Variants in FEM1B observed in about 807,000 individuals in gnomAD.
The protein encoded by FEM1B is protein fem-1 homolog B.
Under a neutral mutation model 38.6 loss-of-function variants are expected in FEM1B, and 10 were observed. The ratio of observed to expected loss-of-function variants is 0.26; its 90% CI spans 0.16 to 0.44. The LOEUF (loss-of-function observed/expected upper bound fraction) is 0.44, where lower values mean the gene tolerates loss of function less well. FEM1B is among the 20% of genes least tolerant of loss of function. The pLI is 1.00. For missense variants in FEM1B, 471 were observed against 786.7 expected (o/e 0.60, Z 4.80); for synonymous variants, 288 against 288.0 (o/e 1.00, Z 0.00).
In FEM1B at chr15:68,291,737, A is replaced by G. The variant is rs1302282065; in HGVS notation, c.*495A>G. The G allele has an allele frequency of 1.3e-5, 2 of 153,270 alleles. No homozygotes were observed. The highest frequency in any genetic ancestry group is 4.8e-5 in the African/African-American group (2 of 41,500). 9.5% of individuals were successfully genotyped at this position (153,270 alleles called of 1,614,324 possible). On this transcript the variant is annotated 3_prime_UTR_variant, in exon 2 of 2. Transcript: ENST00000306917. The surrounding 1 kb of genome is among the most constrained non-coding windows in gnomAD (Gnocchi z 6.9). ...TGCTGTAGATAGTTTACACTCTTCC[A>G]TTATTTATACGGAGTGATGCAGCAC...
intron 1 of FEM1B, among the ~76,000 whole-genome samples, chr15:68,285,790 C>A (rs1356974095): frequency 6.6e-6 from 1 of 152,002 alleles, no homozygotes; most frequent in Non-Finnish European, 1.5e-5. Flanking sequence ...TCTTAGCCCC[C>A]CCGCAGTGCT....
rs1555443294 is a variant in FEM1B, at chr15:68,281,806, C to CGG, written c.248+3142_248+3143dup. On this transcript the variant is annotated intron_variant, in intron 1 of 1. Transcript: ENST00000306917. The surrounding 1 kb of genome is among the most constrained non-coding windows in gnomAD (Gnocchi z 5.1). ...CTATTTTTTGTATTTTTAGTAGAGA[C>CGG]GGTTTCACCGTGTTAGCCAGGATGG... Among the ~76,000 whole-genome samples the CGG allele has an allele frequency of 1.3e-5, 2 of 152,028 alleles. No homozygotes were observed. Among genetic ancestry groups the CGG allele is most frequent in the East Asian group, 3.9e-4 (2 of 5,178 alleles).
Position 68,288,856 on chromosome 15 carries a change from T to C in FEM1B, c.249-751T>C, listed in dbSNP as rs1053640035. ...GAAAAATGCACTAATTATAAATATA[T>C]AAAAATTTCACAAAGTGAACATATT... On this transcript the variant is annotated intron_variant, in intron 1 of 1. Coordinates refer to ENST00000306917, the MANE Select transcript of FEM1B (RefSeq NM_015322.5). This position sits in a 1 kb window ranked among gnomAD's most constrained non-coding sequence, Gnocchi z 4.6. Among the ~76,000 whole-genome samples, 1 of 152,184 alleles carries C rather than the reference T, an allele frequency of 6.6e-6. No individual in the cohort carries two copies. Among genetic ancestry groups the C allele is most frequent in the African/African-American group, 2.4e-5 (1 of 41,452 alleles).
Position 68,290,976 on chromosome 15 carries a change from G to A in FEM1B, c.1618G>A (p.Val540Ile), listed in dbSNP as rs780106358. ...GGGAAACAGTGCCCTTCATATTATC[G>A]TTCAGTACAACAGGCCCATCAGTGA... ...NEGNSALHII[V>I]QYNRPISDFL... The change falls in exon 2 of 2, where the codon GTT becomes ATT. Residue 540 changes from valine to isoleucine, a missense_variant. Around this residue, in one of 3 missense-constraint regions of FEM1B, gnomAD observed 380 missense variants for 599.6 expected, o/e 0.63. Coordinates refer to ENST00000306917, the MANE Select transcript of FEM1B (RefSeq NM_015322.5). This position sits in a 1 kb window ranked among gnomAD's most constrained non-coding sequence, Gnocchi z 9.7. The A allele has an allele frequency of 2.5e-6, 4 of 1,614,112 alleles. No individual in the cohort carries two copies. The highest frequency in any genetic ancestry group is 2.2e-5 in the East Asian group (1 of 44,890).
rs1331678074 is a variant in FEM1B, at chr15:68,293,132, T to A, written c.*1890T>A. 6.6e-6 allele frequency: 1 copy of A among 152,174 alleles called. No homozygotes were observed. The highest frequency in any genetic ancestry group is 2.4e-5 in the African/African-American group (1 of 41,450). The allele number at this position is 152,174 out of a possible 1,614,324, so 9.4% of individuals were successfully genotyped here. On this transcript the variant is annotated 3_prime_UTR_variant, in exon 2 of 2. Coordinates refer to ENST00000306917, the MANE Select transcript of FEM1B (RefSeq NM_015322.5). This position sits in a 1 kb window ranked among gnomAD's most constrained non-coding sequence, Gnocchi z 5.8. ...ATCAAGGAAATACTGTACCTTGCTC[T>A]TAGCAACTCTCAGTGGCCTGAAAGA... is the stretch of plus-strand genomic sequence containing the variant.
Position 68,278,551 on chromosome 15 carries a change from A to C in FEM1B, c.134A>C (p.Gln45Pro). 1 of 1,614,124 alleles carries C rather than the reference A, an allele frequency of 6.2e-7. No individual in the cohort carries two copies. The highest frequency in any genetic ancestry group is 8.5e-7 in the Non-Finnish European group (1 of 1,180,032). The change falls in exon 1 of 2, where the codon CAG becomes CCG. Residue 45 changes from glutamine to proline, a missense_variant. This residue lies in a region of FEM1B where 91 missense variants were observed against 169.6 expected (regional missense o/e 0.54). Coordinates refer to ENST00000306917, the MANE Select transcript of FEM1B (RefSeq NM_015322.5). The surrounding 1 kb of genome is among the most constrained non-coding windows in gnomAD (Gnocchi z 5.7). ...GGCTATGTCAGCCAGCAGGGAGGGC[A>C]GCGCTCCACGCCCCTCATCATCGCA... The part of the protein sequence containing the change: ...LLGYVSQQGG[Q>P]RSTPLIIAAR...
Position 68,289,457 on chromosome 15 carries a change from CT to C in FEM1B, c.249-148del, listed in dbSNP as rs1436727451. On this transcript the variant is annotated intron_variant, in intron 1 of 1. Transcript: ENST00000306917. This position sits in a 1 kb window ranked among gnomAD's most constrained non-coding sequence, Gnocchi z 6.9. ...TACAAGTACTATGCAAAGTGCTTTC[CT>C]TAAATTACCTGTTTTTATTTTCATG... The C allele has an allele frequency of 1.9e-5, 12 of 627,728 alleles. No homozygotes were observed. The highest frequency in any genetic ancestry group is 4.3e-4 in the Middle Eastern group (1 of 2,336). The allele number at this position is 627,728 out of a possible 1,614,324, so 38.9% of individuals were successfully genotyped here.
At chr15:68,279,132 C>T (rs1056013766) in intron 1 of FEM1B, among the ~76,000 whole-genome samples, 6 of 152,180 alleles carry the variant, frequency 3.9e-5, no homozygotes, top group African/African-American at 7.2e-5. Context: ...CTTCAGTGGG[C>T]TGCTGGGCTT....
At chr15:68,279,723 GTTGA>G (rs1282109974) in intron 1 of FEM1B, among the ~76,000 whole-genome samples, 2 of 152,112 alleles carry the variant, frequency 1.3e-5, no homozygotes, top group Admixed American at 6.5e-5. Context: ...TTCTGTTTCG[GTTGA>G]TTCTTTTTTA....
chr15:68,290,669 G>A lies in FEM1B; in HGVS notation c.1311G>A (p.Met437Ile), dbSNP rs755443852. The change falls in exon 2 of 2, where the codon ATG (methionine) becomes ATA (isoleucine). Residue 437 changes from methionine to isoleucine, a missense_variant. Coordinates refer to ENST00000306917, the MANE Select transcript of FEM1B (RefSeq NM_015322.5). This position sits in a 1 kb window ranked among gnomAD's most constrained non-coding sequence, Gnocchi z 9.7. ...NISDADVHNAMDNYECNLYTF... is the reference protein window; with the variant it reads ...NISDADVHNAIDNYECNLYTF... ...CAGATGCTGATGTCCACAATGCTAT[G>A]GACAATTATGAATGTAATCTCTATA... 2 of 1,613,846 alleles carry A rather than the reference G, an allele frequency of 1.2e-6. No homozygotes were observed. The highest frequency in any genetic ancestry group is 1.7e-5 in the Admixed American group (1 of 60,018).
chr15:68,289,439 A>G lies in FEM1B; in HGVS notation c.249-168A>G. The G allele has an allele frequency of 1.6e-6, 1 of 608,110 alleles. No individual in the cohort carries two copies. The highest frequency in any genetic ancestry group is 2.9e-6 in the Non-Finnish European group (1 of 343,548). 37.7% of individuals were successfully genotyped at this position (608,110 alleles called of 1,614,324 possible). On this transcript the variant is annotated intron_variant, in intron 1 of 1. Coordinates refer to ENST00000306917, the MANE Select transcript of FEM1B (RefSeq NM_015322.5). This position sits in a 1 kb window ranked among gnomAD's most constrained non-coding sequence, Gnocchi z 6.9. ...ATTGAGCTTTATATTAGGTACAAGT[A>G]CTATGCAAAGTGCTTTCCTTAAATT... is the stretch of plus-strand genomic sequence containing the variant.
intron 1 of FEM1B, among the ~76,000 whole-genome samples, chr15:68,287,830 C>CTTT (rs71455589): frequency 8.0e-4 from 92 of 114,596 alleles, no homozygotes; most frequent in Non-Finnish European, 1.2e-3. Flanking sequence ...GCTAACGTCT[C>CTTT]TTTTTTTTTT....
chr15:68,285,699 T>C (rs1892776928), intron 1 of FEM1B, among the ~76,000 whole-genome samples: 2 of 152,136 alleles, frequency 1.3e-5, no homozygotes, highest in African/African-American at 4.8e-5. Context: ...GTCTTTTTTT[T>C]TTTTTCTTAA....
intron 1 of FEM1B, among the ~76,000 whole-genome samples, chr15:68,286,776 A>G (rs1892792622): frequency 6.8e-6 from 1 of 146,652 alleles, no homozygotes; most frequent in Non-Finnish European, 1.5e-5. Flanking sequence ...TGAACTTTAC[A>G]TAATCATGAC....
rs992599267 is a variant in FEM1B, at chr15:68,295,387, G to C, written c.*4145G>C. On this transcript the variant is annotated 3_prime_UTR_variant, in exon 2 of 2. Coordinates refer to ENST00000306917, the MANE Select transcript of FEM1B (RefSeq NM_015322.5). ...TCAGGTGTTGTAAAATTTGTGCATG[G>C]CTTTTTGTTGTTGTTGCTTAGTAAC... is the stretch of plus-strand genomic sequence containing the variant. 3 of 152,150 alleles carry C rather than the reference G, an allele frequency of 2.0e-5. No homozygotes were observed. The highest frequency in any genetic ancestry group is 4.8e-5 in the African/African-American group (2 of 41,420). The allele number at this position is 152,150 out of a possible 1,614,324, so 9.4% of individuals were successfully genotyped here.
rs1892767470 is a variant in FEM1B at position 68,284,786 on chromosome 15, G to A, written c.249-4821G>A. On this transcript the variant is annotated intron_variant, in intron 1 of 1. Coordinates refer to ENST00000306917, the MANE Select transcript of FEM1B (RefSeq NM_015322.5). This position sits in a 1 kb window ranked among gnomAD's most constrained non-coding sequence, Gnocchi z 4.4. Reference sequence around the variant, plus strand: ...CACGTGTTGTGGGAGGGACCTGGTGGGAGGCAACTGAATCATGGAAGCAGG... The same window carrying A: ...CACGTGTTGTGGGAGGGACCTGGTGAGAGGCAACTGAATCATGGAAGCAGG... Among the ~76,000 whole-genome samples the A allele has an allele frequency of 1.3e-5, 2 of 152,134 alleles. No individual in the cohort carries two copies. Among genetic ancestry groups the A allele is most frequent in the African/African-American group, 4.8e-5 (2 of 41,418 alleles).
intron 1 of FEM1B, among the ~76,000 whole-genome samples, chr15:68,285,263 C>T (rs527318681): frequency 1.3e-5 from 2 of 149,566 alleles, no homozygotes; most frequent in South Asian, 2.1e-4. Flanking sequence ...TATCCATTTC[C>T]TATTAATTAA....
chr15:68,291,298 TCA>T lies in FEM1B; in HGVS notation c.*59_*60del, dbSNP rs1283057176. The T allele has an allele frequency of 3.9e-6, 5 of 1,287,952 alleles. No homozygotes were observed. The highest frequency in any genetic ancestry group is 1.5e-5 in the African/African-American group (1 of 67,240). 79.8% of individuals were successfully genotyped at this position (1,287,952 alleles called of 1,614,324 possible). A position where few individuals can be genotyped will look rare whatever the true frequency, so the allele number is the denominator to read the frequency against. Reference sequence around the variant, plus strand: ...GTGCTAAAAAGTAAAGGACTTTTAATCACAGACAGTAGAATTATGTGTTCATA... The same window carrying T: ...GTGCTAAAAAGTAAAGGACTTTTAATCAGACAGTAGAATTATGTGTTCATA... On this transcript the variant is annotated 3_prime_UTR_variant, in exon 2 of 2. Transcript: ENST00000306917. The surrounding 1 kb of genome is among the most constrained non-coding windows in gnomAD (Gnocchi z 6.9).
At position 68,290,918 on chromosome 15, in the gene FEM1B, C is replaced by G. The variant is rs371624753; in HGVS notation, c.1560C>G (p.Asp520Glu). The G allele has an allele frequency of 6.8e-6, 11 of 1,614,090 alleles. No individual in the cohort carries two copies. The highest frequency in any genetic ancestry group is 8.5e-6 in the Non-Finnish European group (10 of 1,180,040). Residue 520 changes from aspartate (D) to glutamate (E), a missense_variant, in exon 2 of 2, where the codon GAC becomes GAG. Around this residue, in one of 3 missense-constraint regions of FEM1B, gnomAD observed 380 missense variants for 599.6 expected, o/e 0.63. Coordinates refer to ENST00000306917, the MANE Select transcript of FEM1B (RefSeq NM_015322.5). The surrounding 1 kb of genome is among the most constrained non-coding windows in gnomAD (Gnocchi z 9.7). ...CACTTGTCACAAAGCTCCTGCTGGACTGTGGTGCTGAGGTGAATGCCGTGG... is the reference window on the plus strand; with the variant it reads ...CACTTGTCACAAAGCTCCTGCTGGAGTGTGGTGCTGAGGTGAATGCCGTGG... ...PNALVTKLLL[D>E]CGAEVNAVDN...
Sources: gnomAD v4.1 joint callset for allele counts (sites outside exome capture counted in the v4.1 genomes callset) on GRCh38, gnomAD v4.1.1 for gene constraint, gnomAD v4.1.1 regional missense constraint, Gnocchi (gnomAD v3.1) non-coding constraint, MANE v1.5 for transcripts, NCBI Gene and HGNC (gene_info 2026-07-23, HGNC 2026-07-21) for gene names.